The following CCDC85C variants were observed in gnomAD, a reference collection of about 807,000 sequenced individuals.
CCDC85C encodes coiled-coil domain-containing protein 85C.
A neutral mutation model predicts 38.3 loss-of-function variants in CCDC85C; 18 were observed. That is an observed-to-expected ratio of 0.47 (90% CI 0.33 to 0.70). The LOEUF is 0.70. CCDC85C is among the 30% of genes least tolerant of loss of function. The probability of loss-of-function intolerance (pLI) is 0.03; values close to 1 mark genes in which losing one functional copy is unlikely to be tolerated. For missense variants in CCDC85C, 566 were observed against 621.2 expected (o/e 0.91, Z 0.94); for synonymous variants, 264 against 293.8 (o/e 0.90, Z 1.04).
rs559688615 is a variant in CCDC85C at position 99,535,088 on chromosome 14, G to A, written c.867+927C>T. The A allele has an allele frequency of 6.3e-5, 13 of 205,794 alleles. No homozygotes were observed. The highest frequency in any genetic ancestry group is 4.5e-4 in the South Asian group (5 of 11,222). The allele number at this position is 205,794 out of a possible 1,614,324, so 12.7% of individuals were successfully genotyped here. ...TGGGGCCGTGAGCCTCCCAGCAGCC[G>A]CCCAGTGGGCAGAGAGGGTGCCGTG... On this transcript the variant is annotated intron_variant, in intron 2 of 5. Transcript: ENST00000380243. The surrounding 1 kb of genome is among the most constrained non-coding windows in gnomAD (Gnocchi z 5.5).
At chr14:99,542,467 A>G (rs1897732187) in intron 1 of CCDC85C, among the ~76,000 whole-genome samples, 1 of 152,210 alleles carries the variant, frequency 6.6e-6, no homozygotes, top group Admixed American at 6.5e-5. Flanking sequence ...GCTTACACAC[A>G]TTAGTCCTCA....
rs1174699968 is a variant in CCDC85C at position 99,572,447 on chromosome 14, C to T, written c.793+30720G>A. Among the ~76,000 whole-genome samples the T allele has an allele frequency of 7.2e-5, 11 of 152,108 alleles. No homozygotes were observed. The highest frequency in any genetic ancestry group is 2.4e-4 in the African/African-American group (10 of 41,482). On this transcript the variant is annotated intron_variant, in intron 1 of 5. Coordinates refer to ENST00000380243, the MANE Select transcript of CCDC85C (RefSeq NM_001144995.2). This position sits in a 1 kb window ranked among gnomAD's most constrained non-coding sequence, Gnocchi z 4.4. ...CCAAGGCCCTGCTCCACAGGGAAGC[C>T]AGAGGGCCTCACAAGTATAAATGAT...
intron 2 of CCDC85C, among the ~76,000 whole-genome samples, chr14:99,529,876 C>A (rs910755673): frequency 9.2e-5 from 14 of 152,234 alleles, no homozygotes; most frequent in African/African-American, 3.4e-4. Context: ...AACCCGCCAC[C>A]CTTACCGCCA....
chr14:99,526,105 G>A (rs1441403053), intron 2 of CCDC85C, among the ~76,000 whole-genome samples: 1 of 152,218 alleles, frequency 6.6e-6, no homozygotes, highest in Non-Finnish European at 1.5e-5. Context: ...CTCAGGGAGA[G>A]GACCCCAACA....
chr14:99,548,947 T>C lies in CCDC85C; in HGVS notation c.794-12859A>G, dbSNP rs1282439798. Among the ~76,000 whole-genome samples the C allele has an allele frequency of 6.6e-6, 1 of 152,114 alleles. No homozygotes were observed. Among genetic ancestry groups the C allele is most frequent in the Non-Finnish European group, 1.5e-5 (1 of 68,020 alleles). On this transcript the variant is annotated intron_variant, in intron 1 of 5. Coordinates refer to ENST00000380243, the MANE Select transcript of CCDC85C (RefSeq NM_001144995.2). The surrounding 1 kb of genome is among the most constrained non-coding windows in gnomAD (Gnocchi z 4.9). ...GAAAATCTGCAAAGCATCCTCACATTGTTAGAGGCTTGCCAGGCAGGAGAA... is the reference window on the plus strand; with the variant it reads ...GAAAATCTGCAAAGCATCCTCACATCGTTAGAGGCTTGCCAGGCAGGAGAA...
At chr14:99,571,345 G>GTAGTAA (rs35376895) in intron 1 of CCDC85C, among the ~76,000 whole-genome samples, 22 of 149,964 alleles carry the variant, frequency 1.5e-4, no homozygotes, top group Admixed American at 3.3e-4. Flanking sequence ...AGTAGTAGTA[G>GTAGTAA]TAATAATAAT....
intron 2 of CCDC85C, among the ~76,000 whole-genome samples, chr14:99,524,876 T>C (rs1440944161): frequency 1.3e-5 from 2 of 152,142 alleles, no homozygotes; most frequent in Non-Finnish European, 2.9e-5. Flanking sequence ...CTGCCCAGTC[T>C]TCCTCGGGTG....
chr14:99,546,284 C>A (rs1168310729), intron 1 of CCDC85C, among the ~76,000 whole-genome samples: 4 of 151,912 alleles, frequency 2.6e-5, no homozygotes, highest in Non-Finnish European at 4.4e-5. Flanking sequence ...TGCTTTCCTG[C>A]AGAGTTAGTA....
At position 99,603,508 on chromosome 14, in the gene CCDC85C, A is replaced by G; in HGVS notation, c.452T>C (p.Leu151Pro). 1 of 1,326,108 alleles carries G rather than the reference A, an allele frequency of 7.5e-7. No individual in the cohort carries two copies. The highest frequency in any genetic ancestry group is 9.6e-7 in the Non-Finnish European group (1 of 1,044,774). The allele number at this position is 1,326,108 out of a possible 1,614,324, so 82.1% of individuals were successfully genotyped here. A position where few individuals can be genotyped will look rare whatever the true frequency, so the allele number is the denominator to read the frequency against. The stretch of plus-strand genomic sequence containing the variant: ...CGCCAGTGCCGCGCGCTCCTCGTCC[A>G]GCAGCAGCACCAGCTCCTTGAGCTC... ...NLELKELVLLLDEERAALAAT... is the reference protein window; with the variant it reads ...NLELKELVLLPDEERAALAAT... The change falls in exon 1 of 6, where the codon CTG (leucine) becomes CCG (proline). Residue 151 changes from leucine (L) to proline (P), a missense_variant. Coordinates refer to ENST00000380243, the MANE Select transcript of CCDC85C (RefSeq NM_001144995.2). This position sits in a 1 kb window ranked among gnomAD's most constrained non-coding sequence, Gnocchi z 7.5.
At chr14:99,577,842 G>A (rs574991221) in intron 1 of CCDC85C, among the ~76,000 whole-genome samples, 2 of 137,160 alleles carry the variant, frequency 1.5e-5, no homozygotes, top group East Asian at 4.5e-4. Flanking sequence ...AGCCCGTCCT[G>A]TATCCCCCAT....
rs547563031 is a variant in CCDC85C, at chr14:99,508,558, G to C, written c.*6688C>G. The C allele has an allele frequency of 3.9e-5, 6 of 152,580 alleles. No homozygotes were observed. The highest frequency in any genetic ancestry group is 7.3e-5 in the Non-Finnish European group (5 of 68,218). The allele number at this position is 152,580 out of a possible 1,614,324, so 9.5% of individuals were successfully genotyped here. On this transcript the variant is annotated 3_prime_UTR_variant, in exon 6 of 6. Transcript: ENST00000380243. Reference sequence around the variant, plus strand: ...AGGGCCTGGGAGGCGCAGTAAAGCTGGGCCGTGAGGAAGGGAGGGAAGTAC... The same window carrying C: ...AGGGCCTGGGAGGCGCAGTAAAGCTCGGCCGTGAGGAAGGGAGGGAAGTAC...
chr14:99,566,551 G>T (rs1898219383), intron 1 of CCDC85C, among the ~76,000 whole-genome samples: 1 of 152,092 alleles, frequency 6.6e-6, no homozygotes, highest in Admixed American at 6.5e-5. Flanking sequence ...AGGTGCCAAG[G>T]TCCCTCGGCT....
chr14:99,511,796 T>C lies in CCDC85C; in HGVS notation c.*3450A>G, dbSNP rs1427795913. ...TTTGAAACTTTGAAGCCTTGCTGCG[T>C]AGAACGCACACAGGAACCCGGGGGC... On this transcript the variant is annotated 3_prime_UTR_variant, in exon 6 of 6. Transcript: ENST00000380243. The C allele has an allele frequency of 6.6e-6, 1 of 152,596 alleles. No individual in the cohort carries two copies. Among genetic ancestry groups the C allele is most frequent in the African/African-American group, 2.4e-5 (1 of 41,466 alleles). 9.5% of individuals were successfully genotyped at this position (152,596 alleles called of 1,614,324 possible).
chr14:99,583,982 T>C (rs2055001560), intron 1 of CCDC85C, among the ~76,000 whole-genome samples: 1 of 152,094 alleles, frequency 6.6e-6, no homozygotes, highest in Admixed American at 6.6e-5. Context: ...GCTAATGTGC[T>C]CCTTATGTGA....
intron 1 of CCDC85C, among the ~76,000 whole-genome samples, chr14:99,550,359 T>TGGGGAAGGGGAGAAGCTGGACAGAC (rs1897884340): frequency 1.3e-5 from 2 of 152,110 alleles, no homozygotes; most frequent in Non-Finnish European, 2.9e-5. Context: ...ATACTGAAGA[T>TGGGGAAGGGGAGAAGCTGGACAGAC]GGGGAAGGGG....
intron 1 of CCDC85C, among the ~76,000 whole-genome samples, chr14:99,537,077 C>T (rs1483012821): frequency 6.6e-6 from 1 of 152,084 alleles, no homozygotes; most frequent in East Asian, 1.9e-4. Flanking sequence ...TCCCAAGTAC[C>T]CCTGTGAGCC....
chr14:99,580,423 C>T (rs556033611), intron 1 of CCDC85C, among the ~76,000 whole-genome samples: 8 of 132,344 alleles, frequency 6.0e-5, no homozygotes, highest in South Asian at 2.6e-4. Context: ...AAGCAGAGGG[C>T]GGCATCTCAG....
intron 1 of CCDC85C, among the ~76,000 whole-genome samples, chr14:99,564,189 T>G (rs1898171524): frequency 6.6e-6 from 1 of 152,240 alleles, no homozygotes; most frequent in Admixed American, 6.5e-5. Flanking sequence ...TGTTTTGTTG[T>G]TTGTTCTGCG....
intron 1 of CCDC85C, among the ~76,000 whole-genome samples, chr14:99,595,050 AC>A (rs1330910094): frequency 6.6e-6 from 1 of 152,112 alleles, no homozygotes; most frequent in Non-Finnish European, 1.5e-5. Flanking sequence ...AACTGCCCAC[AC>A]CCCGAAGGAA....
Sources: gnomAD v4.1 joint callset for allele counts (sites outside exome capture counted in the v4.1 genomes callset) on GRCh38, gnomAD v4.1.1 for gene constraint, Gnocchi (gnomAD v3.1) non-coding constraint, MANE v1.5 for transcripts, NCBI Gene and HGNC (gene_info 2026-07-23, HGNC 2026-07-21) for gene names.